The following KCNIP4 variants were observed in gnomAD, a reference collection of about 807,000 sequenced individuals.
The protein encoded by KCNIP4 is potassium voltage-gated channel interacting protein 4.
KCNIP4 carries 12 observed loss-of-function variants against 34.0 expected under a neutral mutation model. That is an observed-to-expected ratio of 0.35 (90% CI 0.23 to 0.57). The LOEUF (loss-of-function observed/expected upper bound fraction) is 0.57. KCNIP4 is among the 20% of genes least tolerant of loss of function. The pLI is 0.83. For synonymous variants in KCNIP4, 124 were observed against 102.2 expected (o/e 1.21, Z -1.29); for missense variants, 238 against 311.7 (o/e 0.76, Z 1.78).
At chr4:21,070,601 T>C (rs1044491968) in intron 1 of KCNIP4, among the ~76,000 whole-genome samples, 2 of 151,686 alleles carry the variant, frequency 1.3e-5, no homozygotes, top group African/African-American at 4.8e-5. Flanking sequence ...TGATTAAGTA[T>C]GTGTTCATAT....
intron 1 of KCNIP4, among the ~76,000 whole-genome samples, chr4:21,008,296 T>C (rs1435460162): frequency 6.6e-6 from 1 of 152,160 alleles, no homozygotes; most frequent in East Asian, 1.9e-4. Flanking sequence ...CCTCCACCCT[T>C]TTTGTTCTCT....
rs561232102 is a variant in KCNIP4, at chr4:21,369,308, T to G, written c.62-486599A>C. 6.8e-5 allele frequency among the ~76,000 whole-genome samples: 10 copies of G among 147,538 alleles called. 1 individual carries two copies. Among genetic ancestry groups the G allele is most frequent in the Admixed American group, 5.9e-4 (9 of 15,204 alleles). ...CCAAATTACAGTTATGTTCTGAAGA[T>G]ATAAAGATTAATAAGATATATTTCT... On this transcript the variant is annotated intron_variant, in intron 1 of 8. Transcript: ENST00000382152.
intron 1 of KCNIP4, among the ~76,000 whole-genome samples, chr4:20,884,525 C>T (rs564737859): frequency 4.0e-5 from 6 of 151,718 alleles, no homozygotes; most frequent in South Asian, 2.1e-4. Flanking sequence ...AAGGATGCAA[C>T]GATTTAACTA....
chr4:21,752,379 G>A (rs533487925), intron 1 of KCNIP4, among the ~76,000 whole-genome samples: 102 of 152,182 alleles, frequency 6.7e-4, no homozygotes, highest in African/African-American at 2.2e-3. Flanking sequence ...AAGAGAGAGT[G>A]AGCAAGCAAA....
At chr4:21,483,885 G>A (rs1731677952) in intron 1 of KCNIP4, among the ~76,000 whole-genome samples, 1 of 152,076 alleles carries the variant, frequency 6.6e-6, no homozygotes, top group African/African-American at 2.4e-5. Flanking sequence ...CATGTAAGAT[G>A]TGCCTGCTTC....
chr4:21,502,711 G>T (rs145742599), intron 1 of KCNIP4, among the ~76,000 whole-genome samples: 1 of 151,982 alleles, frequency 6.6e-6, no homozygotes, highest in South Asian at 2.1e-4. Flanking sequence ...TTAATTTTCC[G>T]TAATAAGGGA....
chr4:21,324,465 T>G (rs982375927), intron 1 of KCNIP4, among the ~76,000 whole-genome samples: 3 of 152,072 alleles, frequency 2.0e-5, no homozygotes, highest in African/African-American at 7.2e-5. Context: ...CTTCTGCATA[T>G]GGATATCCAG....
chr4:21,578,938 C>A (rs528957683), intron 1 of KCNIP4, among the ~76,000 whole-genome samples: 19 of 152,252 alleles, frequency 1.2e-4, no homozygotes, highest in African/African-American at 3.9e-4. Context: ...TAACAAATAT[C>A]AGTAGAATGA....
intron 1 of KCNIP4, among the ~76,000 whole-genome samples, chr4:21,478,603 G>A (rs761714785): frequency 1.3e-5 from 2 of 152,144 alleles, no homozygotes; most frequent in Non-Finnish European, 2.9e-5. Flanking sequence ...GGCCCTCATA[G>A]GAAGTACTTT....
intron 1 of KCNIP4, among the ~76,000 whole-genome samples, chr4:21,700,919 A>G (rs533823710): frequency 6.6e-6 from 1 of 152,176 alleles, no homozygotes; most frequent in East Asian, 1.9e-4. Context: ...TATATAAAAA[A>G]TTAAATTAGT....
At chr4:21,877,125 G>A (rs1410905679) in intron 1 of KCNIP4, among the ~76,000 whole-genome samples, 9 of 152,128 alleles carry the variant, frequency 5.9e-5, no homozygotes, top group Middle Eastern at 3.2e-3. Flanking sequence ...AGGCCGAGGC[G>A]ATGGATCACC....
Position 21,398,789 on chromosome 4 carries a change from G to A in KCNIP4, c.62-516080C>T, listed in dbSNP as rs760298640. On this transcript the variant is annotated intron_variant, in intron 1 of 8. Transcript: ENST00000382152. ...CTTTCTTTCTCACTTTTTCTCTCTC[G>A]TAATCTCCTTCTTGCTATCATTCAT... Among the ~76,000 whole-genome samples the A allele has an allele frequency of 5.9e-5, 9 of 151,910 alleles. No homozygotes were observed. The East Asian group carries it at 9.6e-4, about 16-fold the overall frequency.
At chr4:21,127,188 C>T (rs550856597) in intron 1 of KCNIP4, among the ~76,000 whole-genome samples, 1 of 152,274 alleles carries the variant, frequency 6.6e-6, no homozygotes, top group South Asian at 2.1e-4. Context: ...GTCCTAAGAG[C>T]CCAGGATGTC....
At chr4:21,397,671 C>T (rs1461443066) in intron 1 of KCNIP4, among the ~76,000 whole-genome samples, 1 of 152,120 alleles carries the variant, frequency 6.6e-6, no homozygotes, top group Non-Finnish European at 1.5e-5. Context: ...TTGCTTCTGC[C>T]TGATCCAATG....
intron 4 of KCNIP4, among the ~76,000 whole-genome samples, chr4:20,757,800 T>C (rs1277450393): frequency 6.6e-6 from 1 of 152,198 alleles, no homozygotes; most frequent in African/African-American, 2.4e-5. Flanking sequence ...GGTAGGGTTG[T>C]TGGATGGTGA....
chr4:21,915,506 C>T (rs1036263882), intron 1 of KCNIP4, among the ~76,000 whole-genome samples: 4 of 152,156 alleles, frequency 2.6e-5, no homozygotes, highest in Admixed American at 6.5e-5. Flanking sequence ...AGGAGCCAGG[C>T]CTTAAATCCA....
At chr4:20,943,501 C>T (rs981169388) in intron 1 of KCNIP4, among the ~76,000 whole-genome samples, 2 of 152,180 alleles carry the variant, frequency 1.3e-5, no homozygotes, top group African/African-American at 4.8e-5. Flanking sequence ...GTTAAATGCT[C>T]ATTATATTGC....
intron 1 of KCNIP4, among the ~76,000 whole-genome samples, chr4:21,335,422 C>T (rs1417066480): frequency 6.6e-6 from 1 of 152,092 alleles, no homozygotes; most frequent in Non-Finnish European, 1.5e-5. Flanking sequence ...ATAGCACAGT[C>T]ACAAAAAAAT....
rs145217567 is a variant in KCNIP4, at chr4:21,004,505, C to A, written c.62-121796G>T. 3.0e-3 allele frequency among the ~76,000 whole-genome samples: 451 copies of A among 152,256 alleles called. 5 individuals carry two copies. Among genetic ancestry groups the A allele is most frequent in the African/African-American group, 0.01 (426 of 41,556 alleles). Reference sequence around the variant, plus strand: ...GACAGTCCACACAGAGGTGATGGTCCATACCATTGCAATGTGTGAGACTCC... The same window carrying A: ...GACAGTCCACACAGAGGTGATGGTCAATACCATTGCAATGTGTGAGACTCC... On this transcript the variant is annotated intron_variant, in intron 1 of 8. Coordinates refer to ENST00000382152, the MANE Select transcript of KCNIP4 (RefSeq NM_025221.6).
Sources: gnomAD v4.1 joint callset for allele counts (sites outside exome capture counted in the v4.1 genomes callset) on GRCh38, gnomAD v4.1.1 for gene constraint, MANE v1.5 for transcripts, NCBI Gene and HGNC (gene_info 2026-07-23, HGNC 2026-07-21) for gene names.